The following MEI4 variants were observed in gnomAD, a reference collection of about 807,000 sequenced individuals.
The protein encoded by MEI4 is meiotic double-stranded break formation protein 4.
A neutral mutation model predicts 31.4 loss-of-function variants in MEI4; 27 were observed. That is an observed-to-expected ratio of 0.86 (90% CI 0.63 to 1.19). MEI4 has a LOEUF of 1.19. Among genes scored for constraint, MEI4 ranks in the 50% most tolerant of loss-of-function variants. The pLI is 0.00. For missense variants in MEI4, 329 were observed against 398.9 expected, an observed-to-expected ratio of 0.82 and a Z score of 1.49; for synonymous variants, 122 against 145.4, an observed-to-expected ratio of 0.84 and a Z score of 1.16.
At chr6:77,664,095 G>A (rs1768572594) in intron 1 of MEI4, among the ~76,000 whole-genome samples, 2 of 152,330 alleles carry the variant, frequency 1.3e-5, no homozygotes, top group Non-Finnish European at 2.9e-5. Context: ...CTTGTGTGCT[G>A]GAGATGTGGC....
intron 4 of MEI4, among the ~76,000 whole-genome samples, chr6:77,831,322 C>T (rs1770073481): frequency 1.3e-5 from 2 of 151,568 alleles, no homozygotes; most frequent in East Asian, 3.9e-4. Context: ...GTAGTATAAC[C>T]ATTATGGAAA....
chr6:77,858,537 C>G (rs1214721731), intron 4 of MEI4, among the ~76,000 whole-genome samples: 1 of 151,914 alleles, frequency 6.6e-6, no homozygotes, highest in African/African-American at 2.4e-5. Flanking sequence ...CATGATCCTG[C>G]TATATCAGAT....
rs1769239112 is a variant in MEI4 at position 77,800,977 on chromosome 6, G to T, written c.769-27954G>T. Reference sequence around the variant, plus strand: ...TCTTTTTTGGTTGTGTCTCTGCCAGGCTTTGGTATCAGGATGATGCTGGCC... The same window carrying T: ...TCTTTTTTGGTTGTGTCTCTGCCAGTCTTTGGTATCAGGATGATGCTGGCC... On this transcript the variant is annotated intron_variant, in intron 3 of 4. Transcript: ENST00000684080. Among the ~76,000 whole-genome samples the T allele has an allele frequency of 1.3e-5, 2 of 152,138 alleles. 1 individual carries two copies. The highest frequency in any genetic ancestry group is 4.1e-4 in the South Asian group (2 of 4,828).
At chr6:77,824,646 A>G (rs1769901119) in intron 3 of MEI4, among the ~76,000 whole-genome samples, 1 of 19,554 alleles carries the variant, frequency 5.1e-5, no homozygotes, top group South Asian at 2.8e-3. Context: ...TATATTAGAC[A>G]TTCAAGTTAA....
chr6:77,775,166 C>A (rs1336553194), intron 3 of MEI4, among the ~76,000 whole-genome samples: 4 of 152,122 alleles, frequency 2.6e-5, no homozygotes, highest in Non-Finnish European at 4.4e-5. Flanking sequence ...TTAATTTAAT[C>A]ATCTCTGCAA....
Position 77,820,777 on chromosome 6 carries a change from T to G in MEI4, c.769-8154T>G, listed in dbSNP as rs1432647090. 6.6e-6 allele frequency among the ~76,000 whole-genome samples: 1 copy of G among 152,038 alleles called. No homozygotes were observed. Among genetic ancestry groups the G allele is most frequent in the Non-Finnish European group, 1.5e-5 (1 of 68,008 alleles). On this transcript the variant is annotated intron_variant, in intron 3 of 4. Transcript: ENST00000684080. The surrounding 1 kb of genome is among the most constrained non-coding windows in gnomAD (Gnocchi z 4.5). ...TTGTTGCTATTAATTATGTTGTCAG[T>G]CTAATTGTTCTCTTCTGTTAGTATA...
Position 77,924,005 on chromosome 6 carries a change from G to GTTAATTAAATATGTTAT in MEI4, c.*660_*676dup, listed in dbSNP as rs1562042005. 4 of 151,278 alleles carry GTTAATTAAATATGTTAT rather than the reference G, an allele frequency of 2.6e-5. No homozygotes were observed. The allele number at this position is 151,278 out of a possible 1,614,324, so 9.4% of individuals were successfully genotyped here. On this transcript the variant is annotated 3_prime_UTR_variant, in exon 5 of 5. Coordinates refer to ENST00000684080, the MANE Select transcript of MEI4 (RefSeq NM_001322247.2). ...TTCAACAAATACTTGTTTCAATTCT[G>GTTAATTAAATATGTTAT]TTAATTAAATATGTTATAATAGTCT...
rs575241506 is a variant in MEI4 at position 77,806,672 on chromosome 6, A to G, written c.769-22259A>G. ...GGAGTTGTGCAGGAAATACAGGTATATGGGTGCTTTGAGGTCATATTTACT... is the reference window on the plus strand; with the variant it reads ...GGAGTTGTGCAGGAAATACAGGTATGTGGGTGCTTTGAGGTCATATTTACT... On this transcript the variant is annotated intron_variant, in intron 3 of 4. Coordinates refer to ENST00000684080, the MANE Select transcript of MEI4 (RefSeq NM_001322247.2). Among the ~76,000 whole-genome samples, 12 of 152,274 alleles carry G rather than the reference A, an allele frequency of 7.9e-5. No individual in the cohort carries two copies. The East Asian group carries it at 2.1e-3, about 27-fold the overall frequency.
intron 4 of MEI4, among the ~76,000 whole-genome samples, chr6:77,877,559 C>T (rs1771372520): frequency 6.6e-6 from 1 of 151,968 alleles, no homozygotes; most frequent in South Asian, 2.1e-4. Context: ...GTAGATGGCT[C>T]ATGGTACAAA....
intron 4 of MEI4, among the ~76,000 whole-genome samples, chr6:77,844,982 G>A (rs200686503): frequency 1.3e-5 from 2 of 152,020 alleles, no homozygotes; most frequent in Non-Finnish European, 1.5e-5. Flanking sequence ...CTTCAGAGAC[G>A]TTTTTTCACT....
At chr6:77,733,689 T>C (rs1431919688) in intron 2 of MEI4, among the ~76,000 whole-genome samples, 12 of 151,942 alleles carry the variant, frequency 7.9e-5, no homozygotes. Flanking sequence ...ACGTTTGCTC[T>C]TGCTTTTCTA....
chr6:77,745,891 A>G (rs1767586125), intron 2 of MEI4, among the ~76,000 whole-genome samples: 1 of 152,250 alleles, frequency 6.6e-6, no homozygotes, highest in African/African-American at 2.4e-5. Context: ...AATGAAATGA[A>G]GGGAGAAATA....
intron 2 of MEI4, among the ~76,000 whole-genome samples, chr6:77,741,874 G>T (rs1203366747): frequency 1.3e-5 from 2 of 148,728 alleles, no homozygotes; most frequent in Non-Finnish European, 1.5e-5. Context: ...GCGGTGTTTG[G>T]TTTTTTGTCC....
intron 4 of MEI4, among the ~76,000 whole-genome samples, chr6:77,888,662 T>A (rs1427765955): frequency 1.3e-5 from 2 of 152,122 alleles, no homozygotes; most frequent in Non-Finnish European, 2.9e-5. Flanking sequence ...ATTATCCCAT[T>A]CTCTTCTGGC....
At chr6:77,695,277 A>G (rs1482191281) in intron 2 of MEI4, among the ~76,000 whole-genome samples, 1 of 151,804 alleles carries the variant, frequency 6.6e-6, no homozygotes, top group Non-Finnish European at 1.5e-5. Flanking sequence ...ATTAGATCCC[A>G]TTTGTCAATT....
intron 4 of MEI4, among the ~76,000 whole-genome samples, chr6:77,829,596 G>C (rs994224321): frequency 6.6e-6 from 1 of 152,164 alleles, no homozygotes; most frequent in African/African-American, 2.4e-5. Context: ...CAAGCTTGAA[G>C]ACCACTGCTC....
At chr6:77,824,909 C>T (rs1280516325) in intron 3 of MEI4, among the ~76,000 whole-genome samples, 2 of 152,052 alleles carry the variant, frequency 1.3e-5, no homozygotes, top group South Asian at 2.1e-4. Context: ...GAAAAAGAAT[C>T]GTTCTTCATT....
chr6:77,733,091 T>C (rs1767061187), intron 2 of MEI4, among the ~76,000 whole-genome samples: 1 of 151,894 alleles, frequency 6.6e-6, no homozygotes, highest in African/African-American at 2.4e-5. Context: ...AAATTCTCTT[T>C]TTTGGTTGTG....
intron 3 of MEI4, among the ~76,000 whole-genome samples, chr6:77,801,499 C>G (rs1156283399): frequency 6.6e-6 from 1 of 152,142 alleles, no homozygotes; most frequent in Non-Finnish European, 1.5e-5. Context: ...CAGTTCTGCT[C>G]TGATCTGAGT....
Sources: allele counts gnomAD v4.1 joint callset (sites outside exome capture counted in the v4.1 genomes callset), GRCh38; gene constraint gnomAD v4.1.1; non-coding constraint Gnocchi (gnomAD v3.1); transcripts MANE v1.5; gene names NCBI Gene and HGNC (gene_info 2026-07-23, HGNC 2026-07-21).